CELF2: variants seen among roughly 807,000 people sequenced by gnomAD.
CELF2 encodes the protein CUGBP Elav-like family member 2.
A neutral mutation model predicts 62.6 loss-of-function variants in CELF2; 8 were observed. The observed-to-expected ratio is 0.13, with a 90% CI of 0.07 to 0.23. The LOEUF is 0.23. Among genes scored for constraint, CELF2 ranks in the 10% least tolerant of loss-of-function variants. The pLI is 1.00. For missense variants in CELF2, 333 were observed against 671.0 expected (o/e 0.50, Z 5.56); for synonymous variants, 258 against 250.0 (o/e 1.03, Z -0.30).
At chr10:11,115,254 C>G (rs1010864010) in intron 1 of CELF2, among the ~76,000 whole-genome samples, 2 of 152,214 alleles carry the variant, frequency 1.3e-5, no homozygotes, top group African/African-American at 4.8e-5. Flanking sequence ...TCATAAGACT[C>G]ACAGTAATAG....
At chr10:11,040,988 G>A (rs563914852) in intron 1 of CELF2, among the ~76,000 whole-genome samples, 5 of 152,086 alleles carry the variant, frequency 3.3e-5, no homozygotes, top group Non-Finnish European at 5.9e-5. Context: ...TAGACTGGAC[G>A]ACTTAAACAA....
In CELF2 at chr10:11,302,368, C is replaced by T. The variant is rs2093840392; in HGVS notation, c.977-11771C>T. Among the ~76,000 whole-genome samples the T allele has an allele frequency of 6.6e-6, 1 of 152,188 alleles. No homozygotes were observed. The highest frequency in any genetic ancestry group is 2.1e-4 in the South Asian group (1 of 4,830). On this transcript the variant is annotated intron_variant, in intron 9 of 12. Coordinates refer to ENST00000633077, the MANE Select transcript of CELF2 (RefSeq NM_001326342.2). This position sits in a 1 kb window ranked among gnomAD's most constrained non-coding sequence, Gnocchi z 5.0. Reference sequence around the variant, plus strand: ...CCGAGGGCTGGTTCAACTCAGATGCCCAAGCCCCACAACCAGAGCGTCTGA... The same window carrying T: ...CCGAGGGCTGGTTCAACTCAGATGCTCAAGCCCCACAACCAGAGCGTCTGA...
the CELF2 span, among the ~76,000 whole-genome samples, chr10:10,630,952 A>G: frequency 1.3e-5 from 2 of 152,148 alleles, no homozygotes; most frequent in Non-Finnish European, 2.9e-5. Context: ...GCCTCATTAG[A>G]TAAAATGTGA....
At chr10:10,709,233 C>T in the CELF2 span, among the ~76,000 whole-genome samples, 1 of 152,142 alleles carries the variant, frequency 6.6e-6, no homozygotes, top group Non-Finnish European at 1.5e-5. Flanking sequence ...GTAATTGCTT[C>T]CCTGATATGA....
intron 1 of CELF2, among the ~76,000 whole-genome samples, chr10:10,842,484 G>GT (rs897328022): frequency 2.0e-5 from 3 of 151,646 alleles, no homozygotes; most frequent in African/African-American, 7.3e-5. Context: ...CTTTTTGAGA[G>GT]TTTTTTTTCT....
rs920331003 is a variant in CELF2 at position 11,172,833 on chromosome 10, G to A, written c.271+7151G>A. ...TTAAGACTTCAGCTAGTCCCCAGTC[G>A]TCTTTTCCCCAGTAGCTTTGCTTTT... is the stretch of plus-strand genomic sequence containing the variant. On this transcript the variant is annotated intron_variant, in intron 2 of 12. Transcript: ENST00000633077. 2.0e-4 allele frequency among the ~76,000 whole-genome samples: 30 copies of A among 152,288 alleles called. No individual in the cohort carries two copies. In the South Asian group the frequency reaches 2.5e-3, roughly 13 times the overall value.
chr10:10,583,749 C>G, the CELF2 span, among the ~76,000 whole-genome samples: 1 of 152,028 alleles, frequency 6.6e-6, no homozygotes, highest in African/African-American at 2.4e-5. Context: ...CCTCACACAC[C>G]CAAAGTCAGA....
chr10:11,315,700 G>A lies in CELF2; in HGVS notation c.1096+1442G>A, dbSNP rs914658138. Among the ~76,000 whole-genome samples, 3 of 152,200 alleles carry A rather than the reference G, an allele frequency of 2.0e-5. No homozygotes were observed. The highest frequency in any genetic ancestry group is 7.2e-5 in the African/African-American group (3 of 41,436). On this transcript the variant is annotated intron_variant, in intron 10 of 12. Transcript: ENST00000633077. This position sits in a 1 kb window ranked among gnomAD's most constrained non-coding sequence, Gnocchi z 5.8. ...GAGCCCGTGAAGTGGTAGCTGTGCCGCGGCCTCATTGTTTTATTCCAGTTA... is the reference window on the plus strand; with the variant it reads ...GAGCCCGTGAAGTGGTAGCTGTGCCACGGCCTCATTGTTTTATTCCAGTTA...
At chr10:11,128,835 T>G (rs2059156359) in intron 1 of CELF2, among the ~76,000 whole-genome samples, 1 of 152,206 alleles carries the variant, frequency 6.6e-6, no homozygotes, top group African/African-American at 2.4e-5. Flanking sequence ...AGGGACAATT[T>G]GACTTCCTCC....
chr10:10,977,742 G>C (rs181533435), intron 2 of CELF2, among the ~76,000 whole-genome samples: 45 of 152,264 alleles, frequency 3.0e-4, no homozygotes, highest in African/African-American at 1.1e-3. Flanking sequence ...CTGCCTTTCT[G>C]GCAGTTCACT....
intron 1 of CELF2, among the ~76,000 whole-genome samples, chr10:11,097,893 G>T (rs79459418): frequency 0.01 from 1,524 of 152,296 alleles, 23 homozygotes; most frequent in African/African-American, 0.035. Flanking sequence ...CTCCAGGTCT[G>T]GCCTTCTGGG....
chr10:11,112,131 C>G (rs1465742284), intron 1 of CELF2, among the ~76,000 whole-genome samples: 2 of 152,224 alleles, frequency 1.3e-5, no homozygotes, highest in East Asian at 3.8e-4. Flanking sequence ...TCTCAATGGC[C>G]TGTGTCTAGG....
At chr10:10,951,435 C>A (rs893257733) in intron 2 of CELF2, among the ~76,000 whole-genome samples, 7 of 152,178 alleles carry the variant, frequency 4.6e-5, no homozygotes, top group African/African-American at 1.4e-4. Context: ...CTACACCTGG[C>A]CCTTCTCCAA....
At chr10:10,906,260 T>G (rs1015087) in intron 1 of CELF2, among the ~76,000 whole-genome samples, 63,517 of 151,964 alleles carry the variant, frequency 0.42, 14,518 homozygotes, top group Non-Finnish European at 0.52. Context: ...TTCTTCTATC[T>G]TCAAAGTCAT....
intron 3 of CELF2, among the ~76,000 whole-genome samples, chr10:11,248,880 C>T (rs924339495): frequency 9.2e-5 from 14 of 152,192 alleles, no homozygotes; most frequent in Non-Finnish European, 1.2e-4. Flanking sequence ...GAAATCATAT[C>T]GAGTGGCAGA....
chr10:10,730,431 C>A, the CELF2 span, among the ~76,000 whole-genome samples: 2 of 152,094 alleles, frequency 1.3e-5, no homozygotes, highest in Non-Finnish European at 2.9e-5. Context: ...GAGCCAAGAT[C>A]GTGCCACTGC....
chr10:10,793,687 GA>G (rs1263294585), upstream of CELF2, among the ~76,000 whole-genome samples: 1 of 152,160 alleles, frequency 6.6e-6, no homozygotes, highest in Non-Finnish European at 1.5e-5. Context: ...GGCATATTTT[GA>G]TCCTATCACT....
At chr10:10,963,305 T>C (rs1310307410) in intron 2 of CELF2, among the ~76,000 whole-genome samples, 1 of 152,214 alleles carries the variant, frequency 6.6e-6, no homozygotes, top group East Asian at 1.9e-4. Context: ...TCCACCCACG[T>C]TGGCCTCCCA....
chr10:10,913,763 A>G (rs2064037360), intron 1 of CELF2, among the ~76,000 whole-genome samples: 1 of 151,090 alleles, frequency 6.6e-6, no homozygotes, highest in Non-Finnish European at 1.5e-5. Flanking sequence ...AAATGCCCAC[A>G]GTTTGCCTCA....
Sources: gnomAD v4.1 joint callset for allele counts (sites outside exome capture counted in the v4.1 genomes callset) on GRCh38, gnomAD v4.1.1 for gene constraint, Gnocchi (gnomAD v3.1) non-coding constraint, MANE v1.5 for transcripts, NCBI Gene and HGNC (gene_info 2026-07-23, HGNC 2026-07-21) for gene names.